FNBP4: variants seen among roughly 807,000 people sequenced by gnomAD.
FNBP4 encodes formin binding protein 4.
Under a neutral mutation model 119.3 loss-of-function variants are expected in FNBP4, and 34 were observed. The ratio of observed to expected loss-of-function variants is 0.28; its 90% CI spans 0.22 to 0.38. The LOEUF is 0.38. Ranked by LOEUF, FNBP4 falls within the 10% of genes least tolerant of loss-of-function variation. FNBP4 has a pLI of 1.00. For missense variants in FNBP4, 1,112 were observed against 1,228.9 expected (o/e 0.90, Z 1.42); for synonymous variants, 462 against 430.6 (o/e 1.07, Z -0.90).
At position 47,743,946 on chromosome 11, in the gene FNBP4, A is replaced by C. The variant is rs776990203; in HGVS notation, c.1456+7T>G. 10 of 1,613,076 alleles carry C rather than the reference A, an allele frequency of 6.2e-6. No individual in the cohort carries two copies. The African/African-American group carries it at 1.3e-4, about 22-fold the overall frequency. On this transcript the variant is annotated splice_region_variant and intron_variant, in intron 8 of 16. Transcript: ENST00000263773. ...AACTCTGAAGTTTAATGTGAAGCAC[A>C]AATTACCAGTTTCTCCATTTTCTGG...
At chr11:47,765,566 A>ATGGGGGGGGG (rs2097645681) in intron 1 of FNBP4, among the ~76,000 whole-genome samples, 1 of 1,500 alleles carries the variant, frequency 6.7e-4, no homozygotes, top group African/African-American at 3.8e-3. Flanking sequence ...GGAGGCCAAG[A>ATGGGGGGGGG]CGGGGGGGGG....
At position 47,724,479 on chromosome 11, in the gene FNBP4, C is replaced by T; in HGVS notation, c.2308G>A (p.Val770Ile). The change falls in exon 13 of 17, where the codon GTA becomes ATA. Residue 770 changes from valine to isoleucine, a missense_variant. By Grantham distance (29) the Val-to-Ile change is conservative (BLOSUM62 3). This residue lies in a region of FNBP4 where 826 missense variants were observed against 988.8 expected (regional missense o/e 0.84). Transcript: ENST00000263773. ...PLKPSAQTTVVTSQSSVDSTI... is the reference protein window; with the variant it reads ...PLKPSAQTTVITSQSSVDSTI... ...AGGGAATTACTTACCTGGCTAGTTACAACTGTGGTTTGTGCTGAAGGTTTC... is the reference window on the plus strand; with the variant it reads ...AGGGAATTACTTACCTGGCTAGTTATAACTGTGGTTTGTGCTGAAGGTTTC... 6.2e-7 allele frequency: 1 copy of T among 1,614,254 alleles called. No homozygotes were observed. Among genetic ancestry groups the T allele is most frequent in the Non-Finnish European group, 8.5e-7 (1 of 1,180,048 alleles).
chr11:47,736,653 T>G lies in FNBP4; in HGVS notation c.1544A>C (p.Gln515Pro), dbSNP rs1242467888. 13 of 1,603,482 alleles carry G rather than the reference T, an allele frequency of 8.1e-6. No homozygotes were observed. The highest frequency in any genetic ancestry group is 1.0e-5 in the Non-Finnish European group (12 of 1,171,598). ...VEESPEKIKV[Q>P]TTPKVEEEQD... ...TTCTTCTTCTACTTTTGGTGTTGTC[T>G]GTACTTTTATTTTCTCTGGAGATTC... is the stretch of plus-strand genomic sequence containing the variant. Residue 515 changes from glutamine to proline, a missense_variant, in exon 9 of 17, where the codon CAG becomes CCG. By Grantham distance (76) the Gln-to-Pro change is moderately conservative. This residue lies in a region of FNBP4 where 826 missense variants were observed against 988.8 expected (regional missense o/e 0.84). Coordinates refer to ENST00000263773, the MANE Select transcript of FNBP4 (RefSeq NM_015308.5).
rs781309563 is a variant in FNBP4, at chr11:47,724,530, G to A, written c.2257C>T (p.Pro753Ser). 1.9e-6 allele frequency: 3 copies of A among 1,614,116 alleles called. No individual in the cohort carries two copies. The highest frequency in any genetic ancestry group is 1.7e-6 in the Non-Finnish European group (2 of 1,180,028). The stretch of plus-strand genomic sequence containing the variant: ...AAAGGGGTATCTTCCTCTGTTCCTG[G>A]GGCAGGGGGCTCCTCACTTCCCTCA... ...EDEGSEEPPA[P>S]GTEEDTPLKP... The change falls in exon 13 of 17, where the codon CCA becomes TCA. Residue 753 changes from proline (P) to serine (S), a missense_variant. Physicochemically the swap from Pro to Ser is moderately conservative, Grantham distance 74. Coordinates refer to ENST00000263773, the MANE Select transcript of FNBP4 (RefSeq NM_015308.5).
At chr11:47,740,925 A>G (rs527351528) in intron 8 of FNBP4, among the ~76,000 whole-genome samples, 1 of 143,870 alleles carries the variant, frequency 7.0e-6, no homozygotes, top group South Asian at 2.2e-4. Context: ...GTCTCATTCT[A>G]TTGCCCAGGC....
At chr11:47,736,456 T>C (rs990099514) in intron 9 of FNBP4, among the ~76,000 whole-genome samples, 160 bp downstream of exon 9, 1 of 150,246 alleles carries the variant, frequency 6.7e-6, no homozygotes, top group Non-Finnish European at 1.5e-5. Context: ...CTGGGGAGGC[T>C]GAAGCAGGAG....
intron 7 of FNBP4, among the ~76,000 whole-genome samples, chr11:47,745,424 G>A (rs991811338): frequency 1.6e-4 from 24 of 152,176 alleles, no homozygotes; most frequent in Non-Finnish European, 2.6e-4. Flanking sequence ...TGTCCTATGC[G>A]GTTGAGATAA....
intron 8 of FNBP4, among the ~76,000 whole-genome samples, chr11:47,739,805 T>C (rs1367012776): frequency 6.6e-6 from 1 of 152,002 alleles, no homozygotes; most frequent in East Asian, 1.9e-4. Flanking sequence ...GAGATGGGAG[T>C]TTTGCTCTTG....
intron 2 of FNBP4, among the ~76,000 whole-genome samples, chr11:47,764,793 C>A (rs561999727): frequency 2.0e-4 from 31 of 152,240 alleles, no homozygotes; most frequent in Admixed American, 6.5e-5. Flanking sequence ...TTAGTAATTG[C>A]GCCAAAGTCT....
chr11:47,765,264 G>A lies in FNBP4; in HGVS notation c.313+6C>T, dbSNP rs769591807. 6.3e-7 allele frequency: 1 copy of A among 1,589,926 alleles called. No individual in the cohort carries two copies. Among genetic ancestry groups the A allele is most frequent in the South Asian group, 1.1e-5 (1 of 87,390 alleles). ...AAAAAATGTAAAAAACAAAACAAAA[G>A]CATACCTGTTGCTTTAACAGCTGTG... is the stretch of plus-strand genomic sequence containing the variant. On this transcript the variant is annotated splice_donor_region_variant and intron_variant, in intron 2 of 16. Transcript: ENST00000263773.
intron 8 of FNBP4, among the ~76,000 whole-genome samples, chr11:47,740,539 C>T (rs1477020980): frequency 6.6e-6 from 1 of 151,622 alleles, no homozygotes; most frequent in Admixed American, 6.6e-5. Flanking sequence ...TGGTGCCAGT[C>T]ATTATGTTCC....
intron 12 of FNBP4, chr11:47,730,068 A>T (rs2097565687): frequency 1.0e-6 from 1 of 985,360 alleles, no homozygotes; most frequent in Admixed American, 6.2e-5. Context: ...AAGTGTTCAC[A>T]GAACATTCAG....
At position 47,751,195 on chromosome 11, in the gene FNBP4, A is replaced by G; in HGVS notation, c.733T>C (p.Leu245=). 1 of 1,613,944 alleles carries G rather than the reference A, an allele frequency of 6.2e-7. No homozygotes were observed. Among genetic ancestry groups the G allele is most frequent in the Non-Finnish European group, 8.5e-7 (1 of 1,180,000 alleles). The change falls in exon 5 of 17, where the codon TTA becomes CTA. Residue 245 remains leucine, a synonymous_variant. Coordinates refer to ENST00000263773, the MANE Select transcript of FNBP4 (RefSeq NM_015308.5). The part of the protein sequence containing the change: ...NTQTNEVTWE[L]PQYLATQVQG... ...ACCTGTGTGGCAAGATATTGGGGTA[A>G]CTCCCAAGTCACTTCATTTGTTTGT...
chr11:47,729,837 T>C, intron 12 of FNBP4: 4 of 985,402 alleles, frequency 4.1e-6, no homozygotes, highest in Non-Finnish European at 4.8e-6. Context: ...TCACAGAACT[T>C]AGTTTAAGAT....
intron 2 of FNBP4, among the ~76,000 whole-genome samples, chr11:47,763,729 T>G (rs1328271780): frequency 6.6e-6 from 1 of 152,094 alleles, no homozygotes; most frequent in East Asian, 1.9e-4. Flanking sequence ...CTCGATCTCC[T>G]GACGTCATTA....
At chr11:47,731,204 A>G in intron 12 of FNBP4, 170 bp downstream of exon 12, 1 of 573,868 alleles carries the variant, frequency 1.7e-6, no homozygotes, top group East Asian at 3.2e-5. Context: ...TAACAATAGT[A>G]TGCTGATTTC....
Position 47,729,127 on chromosome 11 carries a change from C to T in FNBP4, c.2008+2247G>A, listed in dbSNP as rs550495509. ...TCAGCCCCCCAAAGTATTGGGATTA[C>T]AGGCATGAGCCACTGCACCCGGCCT... is the stretch of plus-strand genomic sequence containing the variant. On this transcript the variant is annotated intron_variant, in intron 12 of 16. Coordinates refer to ENST00000263773, the MANE Select transcript of FNBP4 (RefSeq NM_015308.5). 8,984 of 978,988 alleles carry T rather than the reference C, an allele frequency of 9.2e-3. 51 individuals carry two copies. The highest frequency in any genetic ancestry group is 0.01 in the Non-Finnish European group (8,624 of 824,120). The allele number at this position is 978,988 out of a possible 1,614,324, so 60.6% of individuals were successfully genotyped here.
chr11:47,754,621 A>T lies in FNBP4; in HGVS notation c.357T>A (p.Asp119Glu), dbSNP rs771630039. Residue 119 changes from aspartate (D) to glutamate (E), a missense_variant, in exon 3 of 17, where the codon GAT becomes GAA. Physicochemically the swap from Asp to Glu is conservative, Grantham distance 45 (BLOSUM62 2). Around this residue, in one of 2 missense-constraint regions of FNBP4, gnomAD observed 286 missense variants for 240.1 expected, o/e 1.19. Coordinates refer to ENST00000263773, the MANE Select transcript of FNBP4 (RefSeq NM_015308.5). ...CTAGTTTTTCGGAAACATCATTGTC[A>T]TCGTCATCACTGTCAGCATAAGCAC... ...LLGAYADSDDDDNDVSEKLAQ... is the reference protein window; with the variant it reads ...LLGAYADSDDEDNDVSEKLAQ... The T allele has an allele frequency of 2.5e-6, 4 of 1,614,058 alleles. No homozygotes were observed. In the African/African-American group the frequency reaches 5.3e-5, roughly 22 times the overall value.
At position 47,762,182 on chromosome 11, in the gene FNBP4, G is replaced by C. The variant is rs1289141141; in HGVS notation, c.313+3088C>G. ...GAGTCTTACTCTGTCACCCAGGCTG[G>C]AGTGCAATGGTGTGGTCTAGCTCAT... On this transcript the variant is annotated intron_variant, in intron 2 of 16. Coordinates refer to ENST00000263773, the MANE Select transcript of FNBP4 (RefSeq NM_015308.5). Among the ~76,000 whole-genome samples the C allele has an allele frequency of 4.0e-5, 6 of 150,362 alleles. No individual in the cohort carries two copies. The East Asian group carries it at 1.2e-3, about 29-fold the overall frequency.
Sources: allele counts gnomAD v4.1 joint callset (sites outside exome capture counted in the v4.1 genomes callset), GRCh38; gene constraint gnomAD v4.1.1; regional missense constraint gnomAD v4.1.1; transcripts MANE v1.5; gene names NCBI Gene and HGNC (gene_info 2026-07-23, HGNC 2026-07-21).